Variants in EYS observed in about 807,000 individuals in gnomAD.
The protein encoded by EYS is protein eyes shut homolog.
Under a neutral mutation model 282.1 loss-of-function variants are expected in EYS, and 250 were observed. The observed-to-expected ratio is 0.89, with a 90% CI of 0.80 to 0.98. The LOEUF is 0.98. Ranked by LOEUF, EYS falls within the 50% of genes least tolerant of loss-of-function variation. The pLI, the probability that EYS is intolerant of heterozygous loss-of-function variation, is 0.00. For missense variants in EYS, 4,016 were observed against 3,709.0 expected, an observed-to-expected ratio of 1.08 and a Z score of -2.15; for synonymous variants, 1,355 against 1,282.9, an observed-to-expected ratio of 1.06 and a Z score of -1.20.
intron 12 of EYS, among the ~76,000 whole-genome samples, chr6:65,175,708 T>C (rs1404271612): frequency 6.6e-6 from 1 of 151,594 alleles, no homozygotes; most frequent in South Asian, 2.1e-4. Flanking sequence ...CTTGAGATCA[T>C]GGATCATGAT....
At chr6:65,356,718 C>A (rs1764499410) in intron 8 of EYS, among the ~76,000 whole-genome samples, 4 of 151,836 alleles carry the variant, frequency 2.6e-5, no homozygotes, top group Admixed American at 6.6e-5. Context: ...CTCTTAATAC[C>A]TTTTTAAAAT....
chr6:65,352,782 CCT>C, intron 9 of EYS, among the ~76,000 whole-genome samples: 1 of 151,944 alleles, frequency 6.6e-6, no homozygotes, highest in African/African-American at 2.4e-5. Context: ...ATTTTCTATT[CCT>C]TTTAGAAGAG....
At chr6:65,041,641 C>T (rs1461950303) in intron 13 of EYS, among the ~76,000 whole-genome samples, 2 of 151,744 alleles carry the variant, frequency 1.3e-5, no homozygotes, top group East Asian at 1.9e-4. Context: ...ACAGTCCCAT[C>T]GTCAACTCAT....
chr6:65,153,264 C>T (rs1295978506), intron 12 of EYS, among the ~76,000 whole-genome samples: 1 of 151,686 alleles, frequency 6.6e-6, no homozygotes, highest in Non-Finnish European at 1.5e-5. Flanking sequence ...CAAAGGATCT[C>T]ACAGTTCCAG....
Position 64,522,038 on chromosome 6 carries a change from TTATCTC to T in EYS, c.5644+68179_5644+68184del, listed in dbSNP as rs1777757629. ...TCATATGTGGACAGTAAGCAGTCCT[TTATCTC>T]TAGGACAACAGAATGTTGTATCTAA... On this transcript the variant is annotated intron_variant, in intron 26 of 42. Coordinates refer to ENST00000503581, the MANE Select transcript of EYS (RefSeq NM_001142800.2). Among the ~76,000 whole-genome samples the T allele has an allele frequency of 5.3e-5, 8 of 151,798 alleles. No homozygotes were observed. The South Asian group carries it at 1.7e-3, about 31-fold the overall frequency.
intron 40 of EYS, among the ~76,000 whole-genome samples, chr6:63,776,520 T>C (rs1055460963): frequency 6.6e-6 from 1 of 152,168 alleles, no homozygotes; most frequent in East Asian, 1.9e-4. Context: ...ATTTAGAGGG[T>C]TTTAGTGAGG....
chr6:64,388,625 A>T, intron 29 of EYS, 65 bp downstream of exon 29: 1 of 1,345,248 alleles, frequency 7.4e-7, no homozygotes, highest in Non-Finnish European at 9.8e-7. Context: ...TTTTTCATTT[A>T]TCAATATGAT....
intron 8 of EYS, among the ~76,000 whole-genome samples, chr6:65,376,517 C>T (rs554040729): frequency 6.6e-6 from 1 of 152,258 alleles, no homozygotes; most frequent in African/African-American, 2.4e-5. Context: ...ATCAAATTCA[C>T]ACATACCAAT....
intron 19 of EYS, among the ~76,000 whole-genome samples, chr6:64,880,588 T>A (rs1225162841): frequency 6.6e-6 from 1 of 151,466 alleles, no homozygotes; most frequent in Non-Finnish European, 1.5e-5. Context: ...ATCAACTTTT[T>A]CCGTAGCTTT....
At position 65,157,640 on chromosome 6, in the gene EYS, G is replaced by T. The variant is rs181399020; in HGVS notation, c.2024-99913C>A. 2.6e-3 allele frequency among the ~76,000 whole-genome samples: 396 copies of T among 150,528 alleles called. 1 individual carries two copies. Among genetic ancestry groups the T allele is most frequent in the Non-Finnish European group, 4.7e-3 (317 of 67,078 alleles). On this transcript the variant is annotated intron_variant, in intron 12 of 42. Transcript: ENST00000503581. ...AAAATTTAGTTCTCTAAACTAGTCT[G>T]GGTTAGAAAAATGCATGAAAATTAT...
intron 14 of EYS, among the ~76,000 whole-genome samples, chr6:64,974,468 AG>A (rs1286051895): frequency 6.6e-6 from 1 of 151,822 alleles, no homozygotes; most frequent in Admixed American, 6.6e-5. Context: ...AATGGCCTCC[AG>A]GAATCTGCAT....
intron 22 of EYS, among the ~76,000 whole-genome samples, chr6:64,775,460 A>G (rs1032300595): frequency 7.9e-5 from 12 of 152,032 alleles, no homozygotes; most frequent in Non-Finnish European, 1.6e-4. Flanking sequence ...AAATTTTAGG[A>G]GCTTCATTGT....
chr6:65,357,080 A>T (rs1398941348), intron 8 of EYS, among the ~76,000 whole-genome samples: 2 of 152,000 alleles, frequency 1.3e-5, no homozygotes, highest in African/African-American at 4.8e-5. Flanking sequence ...ATTACAACTG[A>T]GCCATTAATC....
At chr6:65,124,701 A>T (rs1334723175) in intron 12 of EYS, among the ~76,000 whole-genome samples, 1 of 152,166 alleles carries the variant, frequency 6.6e-6, no homozygotes, top group Non-Finnish European at 1.5e-5. Context: ...GAATTACACA[A>T]ATCTTGTACA....
intron 8 of EYS, among the ~76,000 whole-genome samples, chr6:65,369,006 C>T (rs1258300076): frequency 6.6e-6 from 1 of 151,270 alleles, no homozygotes; most frequent in Non-Finnish European, 1.5e-5. Flanking sequence ...CTTAATACAT[C>T]TGGGATCCTA....
intron 2 of EYS, among the ~76,000 whole-genome samples, chr6:65,587,279 T>C (rs1765084667): frequency 1.3e-5 from 2 of 152,054 alleles, no homozygotes; most frequent in South Asian, 4.1e-4. Flanking sequence ...TGTGATGGTG[T>C]TAAAAGGTGA....
Position 65,191,538 on chromosome 6 carries a change from T to G in EYS, c.2023+104325A>C, listed in dbSNP as rs73741254. Among the ~76,000 whole-genome samples the G allele has an allele frequency of 2.6e-3, 400 of 151,972 alleles. 5 individuals carry two copies. The highest frequency in any genetic ancestry group is 0.01 in the Middle Eastern group (3 of 294). On this transcript the variant is annotated intron_variant, in intron 12 of 42. Coordinates refer to ENST00000503581, the MANE Select transcript of EYS (RefSeq NM_001142800.2). ...TAGGAACAAATTATGTTCTTTCAAC[T>G]GTGAATGCCAATCACACACAGACAT...
intron 35 of EYS, among the ~76,000 whole-genome samples, chr6:63,884,063 C>A (rs1773199854): frequency 6.6e-6 from 1 of 152,172 alleles, no homozygotes; most frequent in Non-Finnish European, 1.5e-5. Context: ...CAGGAGAGCA[C>A]AACCCTTACT....
intron 1 of EYS, among the ~76,000 whole-genome samples, chr6:65,654,066 T>C (rs970704852): frequency 6.6e-6 from 1 of 152,010 alleles, no homozygotes; most frequent in Non-Finnish European, 1.5e-5. Flanking sequence ...GAAGTATTTA[T>C]ACTTATTTTT....
Sources: gnomAD v4.1 joint callset for allele counts (sites outside exome capture counted in the v4.1 genomes callset) on GRCh38, gnomAD v4.1.1 for gene constraint, MANE v1.5 for transcripts, NCBI Gene and HGNC (gene_info 2026-07-23, HGNC 2026-07-21) for gene names.